PRKCE: variants seen among roughly 807,000 people sequenced by gnomAD.
The protein encoded by PRKCE is protein kinase C epsilon, also known as protein kinase C epsilon type.
Under a neutral mutation model 85.4 loss-of-function variants are expected in PRKCE, and 16 were observed. The ratio of observed to expected loss-of-function variants is 0.19; its 90% confidence interval spans 0.13 to 0.28. The LOEUF (loss-of-function observed/expected upper bound fraction) is 0.28, where lower values mean the gene tolerates loss of function less well. Ranked by LOEUF, PRKCE falls within the 10% of genes least tolerant of loss-of-function variation. The probability of loss-of-function intolerance (pLI) is 1.00; values close to 1 mark genes in which losing one functional copy is unlikely to be tolerated. For synonymous variants in PRKCE, 388 were observed against 371.5 expected (o/e 1.04, Z -0.51); for missense variants, 573 against 975.2 (o/e 0.59, Z 5.49).
At chr2:46,118,166 G>A (rs960720640) in intron 11 of PRKCE, among the ~76,000 whole-genome samples, 6 of 152,318 alleles carry the variant, frequency 3.9e-5, no homozygotes, top group Middle Eastern at 3.4e-3. Context: ...GGACAGTTTC[G>A]TGGAATTATC....
intron 10 of PRKCE, among the ~76,000 whole-genome samples, chr2:46,016,269 A>C (rs1452124329): frequency 1.3e-5 from 2 of 152,110 alleles, no homozygotes; most frequent in Admixed American, 6.6e-5. Flanking sequence ...TGGTCAAACT[A>C]GTTGAGGGGT....
intron 2 of PRKCE, among the ~76,000 whole-genome samples, chr2:45,960,883 C>T (rs1701329250): frequency 6.6e-6 from 1 of 152,212 alleles, no homozygotes; most frequent in Admixed American, 6.5e-5. Flanking sequence ...CTGCCCAGCA[C>T]AACCTCTCCA....
chr2:45,830,072 CAAAAAAAA>C (rs34553119), intron 1 of PRKCE, among the ~76,000 whole-genome samples: 58,192 of 110,804 alleles, frequency 0.53, 12,660 homozygotes, highest in Middle Eastern at 0.6. Flanking sequence ...GACTCCGTCT[CAAAAAAAA>C]AAAAAAAAAA....
At chr2:45,683,300 C>T (rs1488936367) in intron 1 of PRKCE, among the ~76,000 whole-genome samples, 2 of 152,114 alleles carry the variant, frequency 1.3e-5, no homozygotes, top group African/African-American at 4.8e-5. Flanking sequence ...TAATTAGCAC[C>T]CCCATAGACT....
intron 14 of PRKCE, among the ~76,000 whole-genome samples, chr2:46,178,077 G>C (rs1679601334): frequency 6.6e-6 from 1 of 152,126 alleles, no homozygotes; most frequent in African/African-American, 2.4e-5. Context: ...CTGACCAACA[G>C]GGAGATACCC....
At chr2:46,061,098 TTTTTCC>T in intron 10 of PRKCE, among the ~76,000 whole-genome samples, 1 of 146,554 alleles carries the variant, frequency 6.8e-6, no homozygotes, top group East Asian at 2.0e-4. Context: ...TTTCTTCTTT[TTTTTCC>T]TTTTTTTTTT....
At chr2:45,677,779 G>A (rs1676592716) in intron 1 of PRKCE, 1 of 887,426 alleles carries the variant, frequency 1.1e-6, no homozygotes, top group Non-Finnish European at 1.4e-6. Context: ...TGCTGGGTGG[G>A]CTCTGGCTTA....
At chr2:46,115,087 C>T (rs1180725047) in intron 11 of PRKCE, among the ~76,000 whole-genome samples, 1 of 152,166 alleles carries the variant, frequency 6.6e-6, no homozygotes, top group Non-Finnish European at 1.5e-5. Context: ...ATTGTTCCAT[C>T]TGATGTTCCT....
At position 45,886,129 on chromosome 2, in the gene PRKCE, A is replaced by G. The variant is rs373167572; in HGVS notation, c.412+43066A>G. Among the ~76,000 whole-genome samples, 46 of 152,308 alleles carry G rather than the reference A, an allele frequency of 3.0e-4. 1 individual carries two copies. In the East Asian group the frequency reaches 7.5e-3, roughly 25 times the overall value. Reference sequence around the variant, plus strand: ...GGTGGAACTCTTACCTGTCCGGGCCATGGGCTCTGGGCTTGCTTCACATGC... The same window carrying G: ...GGTGGAACTCTTACCTGTCCGGGCCGTGGGCTCTGGGCTTGCTTCACATGC... On this transcript the variant is annotated intron_variant, in intron 2 of 14. Coordinates refer to ENST00000306156, the MANE Select transcript of PRKCE (RefSeq NM_005400.3).
chr2:46,038,303 G>A (rs1041400362), intron 10 of PRKCE, among the ~76,000 whole-genome samples: 9 of 152,110 alleles, frequency 5.9e-5, no homozygotes, highest in African/African-American at 2.2e-4. Context: ...TTGGCAAAGT[G>A]GGGTGGGGAA....
chr2:45,917,748 C>T (rs965989257), intron 2 of PRKCE, among the ~76,000 whole-genome samples: 1 of 152,196 alleles, frequency 6.6e-6, no homozygotes, highest in African/African-American at 2.4e-5. Flanking sequence ...AGGCTCCGGC[C>T]GCACGGGAGC....
intron 2 of PRKCE, among the ~76,000 whole-genome samples, chr2:45,922,114 A>G (rs1698292295): frequency 6.6e-6 from 1 of 152,136 alleles, no homozygotes; most frequent in Non-Finnish European, 1.5e-5. Context: ...TGTGGTTCCT[A>G]ATGAGCTGAT....
chr2:45,830,524 C>T (rs1375636367), intron 1 of PRKCE, among the ~76,000 whole-genome samples: 1 of 152,144 alleles, frequency 6.6e-6, no homozygotes, highest in Non-Finnish European at 1.5e-5. Flanking sequence ...ATCATTCCTA[C>T]TGGTCCAACA....
intron 11 of PRKCE, among the ~76,000 whole-genome samples, chr2:46,127,585 A>T (rs561805828): frequency 6.6e-6 from 1 of 152,254 alleles, no homozygotes; most frequent in Non-Finnish European, 1.5e-5. Context: ...ACTTGTGGGG[A>T]ACGTATGATG....
intron 1 of PRKCE, among the ~76,000 whole-genome samples, chr2:45,809,135 G>A (rs1434138256): frequency 6.6e-6 from 1 of 152,126 alleles, no homozygotes; most frequent in African/African-American, 2.4e-5. Context: ...ATCTAGACTA[G>A]GGCCCCCTTC....
intron 10 of PRKCE, among the ~76,000 whole-genome samples, chr2:46,062,830 T>C (rs1002780647): frequency 6.6e-6 from 1 of 152,120 alleles, no homozygotes; most frequent in Non-Finnish European, 1.5e-5. Flanking sequence ...TGTTTCGCTA[T>C]GTTGGCCAGG....
chr2:45,985,898 C>G (rs890580018), intron 6 of PRKCE, among the ~76,000 whole-genome samples: 1 of 152,186 alleles, frequency 6.6e-6, no homozygotes, highest in Non-Finnish European at 1.5e-5. Context: ...GGGAATAGGT[C>G]TAGACTGAGC....
chr2:46,081,033 C>T (rs1356447937), intron 10 of PRKCE, among the ~76,000 whole-genome samples: 1 of 151,750 alleles, frequency 6.6e-6, no homozygotes, highest in Non-Finnish European at 1.5e-5. Context: ...ACCGTGTTGC[C>T]CAGGCTGGAG....
intron 1 of PRKCE, among the ~76,000 whole-genome samples, chr2:45,806,481 G>A (rs145166148): frequency 4.0e-4 from 61 of 152,260 alleles, no homozygotes; most frequent in African/African-American, 1.2e-3. Context: ...ACAGATCAGC[G>A]GCATTAAGTC....
Sources: gnomAD v4.1 joint callset for allele counts (sites outside exome capture counted in the v4.1 genomes callset) on GRCh38, gnomAD v4.1.1 for gene constraint, MANE v1.5 for transcripts, NCBI Gene and HGNC (gene_info 2026-07-23, HGNC 2026-07-21) for gene names.